Variants in MYO16 observed in about 807,000 individuals in gnomAD.
MYO16 encodes myosin XVI.
A neutral mutation model predicts 205.3 loss-of-function variants in MYO16; 94 were observed. That is an observed-to-expected ratio of 0.46 (90% CI 0.39 to 0.54). The LOEUF is 0.54. MYO16 is among the 20% of genes least tolerant of loss of function. MYO16 has a pLI of 0.00. For missense variants in MYO16, 2,315 were observed against 2,387.5 expected (o/e 0.97, Z 0.63); for synonymous variants, 988 against 954.0 (o/e 1.04, Z -0.66).
At chr13:109,133,298 A>G (rs1323222562) in intron 31 of MYO16, among the ~76,000 whole-genome samples, 1 of 152,212 alleles carries the variant, frequency 6.6e-6, no homozygotes, top group Non-Finnish European at 1.5e-5. Flanking sequence ...CAACCACACT[A>G]GAAGTGTTGG....
chr13:108,685,503 G>A (rs182618913), intron 2 of MYO16, among the ~76,000 whole-genome samples: 5 of 152,162 alleles, frequency 3.3e-5, no homozygotes, highest in African/African-American at 4.8e-5. Context: ...CAACACCTAC[G>A]CATGTGATCA....
chr13:108,812,090 A>T (rs1391686949), intron 7 of MYO16, among the ~76,000 whole-genome samples: 5 of 152,206 alleles, frequency 3.3e-5, no homozygotes, highest in Admixed American at 3.3e-4. Context: ...CACCACATAT[A>T]GCCTATTCTT....
chr13:108,511,299 C>G, the MYO16 span, among the ~76,000 whole-genome samples: 1 of 129,236 alleles, frequency 7.7e-6, no homozygotes, highest in Non-Finnish European at 1.6e-5. Flanking sequence ...TCATGTCCTT[C>G]GCCCACTTTT....
At chr13:108,636,363 T>TGTG (rs1172973165) in intron 1 of MYO16, among the ~76,000 whole-genome samples, 131 of 77,390 alleles carry the variant, frequency 1.7e-3, no homozygotes, top group Middle Eastern at 8.3e-3. Flanking sequence ...TTTTTTTTTT[T>TGTG]TTTTTTTGTG....
intron 31 of MYO16, among the ~76,000 whole-genome samples, chr13:109,136,555 T>C (rs1392394337): frequency 3.3e-5 from 5 of 152,224 alleles, no homozygotes. Flanking sequence ...GCTAGAAGAA[T>C]CCAGGAGGCA....
chr13:108,978,073 T>A (rs545443172), intron 20 of MYO16, among the ~76,000 whole-genome samples: 5 of 152,148 alleles, frequency 3.3e-5, no homozygotes, highest in Admixed American at 3.3e-4. Context: ...TTTTTTTGTG[T>A]GGCTATAATG....
chr13:108,740,907 C>T (rs1342149850), intron 4 of MYO16, among the ~76,000 whole-genome samples: 2 of 152,174 alleles, frequency 1.3e-5, no homozygotes, highest in South Asian at 2.1e-4. Flanking sequence ...ATGAGTGAGG[C>T]TCTGTGGGCG....
rs188850704 is a variant in MYO16 at position 108,617,338 on chromosome 13, G to A, written c.-39+21099G>A. On this transcript the variant is annotated intron_variant, in intron 1 of 24. Transcript: ENST00000251041. ...CCAGGGGCCACGGTTAAAACCACAG[G>A]ACTGCATCACTCTTTCATACGCCCT... 3.4e-3 allele frequency among the ~76,000 whole-genome samples: 510 copies of A among 152,184 alleles called. 3 individuals carry two copies. Among genetic ancestry groups the A allele is most frequent in the African/African-American group, 0.011 (474 of 41,532 alleles).
chr13:108,867,497 G>T (rs551680337), intron 12 of MYO16, among the ~76,000 whole-genome samples: 1 of 152,126 alleles, frequency 6.6e-6, no homozygotes, highest in African/African-American at 2.4e-5. Context: ...CAATCTAAGG[G>T]TGTGTGTGAG....
At chr13:108,681,709 G>A (rs1882470959) in intron 2 of MYO16, among the ~76,000 whole-genome samples, 1 of 152,076 alleles carries the variant, frequency 6.6e-6, no homozygotes, top group Non-Finnish European at 1.5e-5. Flanking sequence ...GAGAGAGAGA[G>A]CCAGAGTTTT....
rs1877005315 is a variant in MYO16 at position 109,140,540 on chromosome 13, G to C, written c.4328G>C (p.Arg1443Thr). 1.9e-6 allele frequency: 3 copies of C among 1,548,942 alleles called. No homozygotes were observed. The highest frequency in any genetic ancestry group is 3.8e-5 in the Admixed American group (2 of 53,152). Residue 1443 changes from arginine to threonine, a missense_variant, in exon 32 of 35, where the codon AGG becomes ACG. Around this residue, in one of 3 missense-constraint regions of MYO16, gnomAD observed 1,097 missense variants for 1,092.0 expected, o/e 1.00. Coordinates refer to ENST00000457511, the MANE Select transcript of MYO16 (RefSeq NM_001198950.3). The surrounding 1 kb of genome is among the most constrained non-coding windows in gnomAD (Gnocchi z 8.0). ...VYIEMLGHAA[R>T]PDSPDPGESV... ...ATCGAGATGCTGGGGCACGCGGCCAGGCCCGATAGCCCGGACCCCGGGGAG... is the reference window on the plus strand; with the variant it reads ...ATCGAGATGCTGGGGCACGCGGCCACGCCCGATAGCCCGGACCCCGGGGAG...
intron 10 of MYO16, among the ~76,000 whole-genome samples, chr13:108,849,235 G>A (rs1212467815): frequency 6.6e-6 from 1 of 152,068 alleles, no homozygotes; most frequent in Non-Finnish European, 1.5e-5. Flanking sequence ...CTGTCGCCCA[G>A]ACTGGAGTAC....
At chr13:108,845,907 C>T (rs1788089342) in intron 10 of MYO16, among the ~76,000 whole-genome samples, 1 of 151,730 alleles carries the variant, frequency 6.6e-6, no homozygotes, top group Non-Finnish European at 1.5e-5. Flanking sequence ...TAGGGTCTCA[C>T]TATGTTGCCC....
chr13:108,944,328 T>C (rs1364328148), intron 16 of MYO16, among the ~76,000 whole-genome samples: 1 of 152,160 alleles, frequency 6.6e-6, no homozygotes, highest in Non-Finnish European at 1.5e-5. Context: ...AAATAAAACT[T>C]TTTAGGATCA....
intron 4 of MYO16, among the ~76,000 whole-genome samples, chr13:108,752,490 G>A (rs1282837774): frequency 2.0e-5 from 3 of 152,152 alleles, no homozygotes; most frequent in Non-Finnish European, 4.4e-5. Flanking sequence ...AAGTGCAAAT[G>A]TTATAGTCAT....
intron 11 of MYO16, among the ~76,000 whole-genome samples, chr13:108,859,341 A>G (rs1878348157): frequency 6.6e-6 from 1 of 152,244 alleles, no homozygotes; most frequent in Admixed American, 6.5e-5. Flanking sequence ...CCCTAATTTT[A>G]GACGAGAGAA....
chr13:108,628,947 G>T (rs1291757054), upstream of MYO16, among the ~76,000 whole-genome samples: 1 of 152,072 alleles, frequency 6.6e-6, no homozygotes, highest in Non-Finnish European at 1.5e-5. Flanking sequence ...CTTTTGGTTT[G>T]CTACCATGGC....
upstream of MYO16, among the ~76,000 whole-genome samples, chr13:108,626,144 T>A (rs2139343766): frequency 6.6e-6 from 1 of 152,268 alleles, no homozygotes; most frequent in East Asian, 1.9e-4. Context: ...TGGTGTATAA[T>A]AATGCTAACA....
At chr13:109,033,005 G>C (rs1886592914) in intron 23 of MYO16, among the ~76,000 whole-genome samples, 1 of 152,066 alleles carries the variant, frequency 6.6e-6, no homozygotes, top group African/African-American at 2.4e-5. Context: ...TCTTAGCTAG[G>C]TAAGAGTAAT....
Sources: allele counts gnomAD v4.1 joint callset (sites outside exome capture counted in the v4.1 genomes callset), GRCh38; gene constraint gnomAD v4.1.1; regional missense constraint gnomAD v4.1.1; non-coding constraint Gnocchi (gnomAD v3.1); transcripts MANE v1.5; gene names NCBI Gene and HGNC (gene_info 2026-07-23, HGNC 2026-07-21).